IMMP2L: variants seen among roughly 807,000 people sequenced by gnomAD.
IMMP2L encodes the protein inner mitochondrial membrane peptidase subunit 2.
IMMP2L carries 18 observed loss-of-function variants against 19.3 expected under a neutral mutation model. The observed-to-expected ratio is 0.93, with a 90% CI of 0.64 to 1.38. The LOEUF (loss-of-function observed/expected upper bound fraction) is 1.38, where lower values mean the gene tolerates loss of function less well. IMMP2L is among the 40% of genes most tolerant of loss of function. The probability of loss-of-function intolerance (pLI) is 0.00; values close to 1 mark genes in which losing one functional copy is unlikely to be tolerated. For synonymous variants in IMMP2L, 76 were observed against 73.0 expected (o/e 1.04, Z -0.21); for missense variants, 233 against 218.2 (o/e 1.07, Z -0.43).
At chr7:111,126,063 T>C (rs1197627581) in intron 3 of IMMP2L, among the ~76,000 whole-genome samples, 1 of 152,114 alleles carries the variant, frequency 6.6e-6, no homozygotes, top group African/African-American at 2.4e-5. Context: ...CCTCATATGA[T>C]CTGCCCACCT....
rs1047549883 is a variant in IMMP2L, at chr7:111,541,082, A to C, written c.-2-19633T>G. On this transcript the variant is annotated intron_variant, in intron 1 of 5. Coordinates refer to ENST00000405709, the MANE Select transcript of IMMP2L (RefSeq NM_032549.4). ...TCAAGTCTTAGCTATGCCAATGAGT[A>C]AGCAATTTGAATAGATGACCTTAGC... Among the ~76,000 whole-genome samples, 8 of 152,284 alleles carry C rather than the reference A, an allele frequency of 5.3e-5. 1 individual carries two copies. The highest frequency in any genetic ancestry group is 3.4e-3 in the Middle Eastern group (1 of 294).
At chr7:111,270,053 GTGTC>G (rs1158873831) in intron 3 of IMMP2L, among the ~76,000 whole-genome samples, 1 of 139,858 alleles carries the variant, frequency 7.2e-6, no homozygotes. Context: ...GCATGCATGT[GTGTC>G]TGTGTGTGTG....
intron 3 of IMMP2L, among the ~76,000 whole-genome samples, chr7:111,156,025 T>G (rs1026704987): frequency 2.0e-5 from 3 of 152,168 alleles, no homozygotes; most frequent in African/African-American, 7.2e-5. Context: ...ATCCATGTTC[T>G]TTGTGTTGTC....
chr7:111,003,793 T>G (rs1360443854), intron 3 of IMMP2L, among the ~76,000 whole-genome samples: 1 of 152,124 alleles, frequency 6.6e-6, no homozygotes, highest in African/African-American at 2.4e-5. Context: ...ATTACAGACA[T>G]GAGACACTCT....
At position 110,916,163 on chromosome 7, in the gene IMMP2L, T is replaced by G. The variant is rs190306072; in HGVS notation, c.306-29468A>C. ...AAAATCATTGCTTCGTTGTATGATT[T>G]AGTCATGCGAAAGTAACAGGACACT... is the stretch of plus-strand genomic sequence containing the variant. On this transcript the variant is annotated intron_variant, in intron 4 of 5. Transcript: ENST00000405709. Among the ~76,000 whole-genome samples the G allele has an allele frequency of 1.8e-3, 271 of 152,310 alleles. 1 individual carries two copies. The highest frequency in any genetic ancestry group is 6.2e-3 in the African/African-American group (258 of 41,566).
intron 5 of IMMP2L, among the ~76,000 whole-genome samples, chr7:110,828,957 C>T (rs1469186496): frequency 6.6e-6 from 1 of 152,118 alleles, no homozygotes; most frequent in African/African-American, 2.4e-5. Context: ...TCTAAGTCTT[C>T]GTAGCATCTT....
chr7:110,839,434 T>A (rs1394353672), intron 5 of IMMP2L, among the ~76,000 whole-genome samples: 1 of 152,078 alleles, frequency 6.6e-6, no homozygotes. Flanking sequence ...GGTATAGATA[T>A]ATCAGAAATC....
intron 3 of IMMP2L, among the ~76,000 whole-genome samples, chr7:111,373,339 T>C (rs1328062143): frequency 4.6e-5 from 7 of 152,086 alleles, no homozygotes; most frequent in Non-Finnish European, 7.4e-5. Flanking sequence ...CTGGGCAGAA[T>C]TGTTTTGAAA....
At chr7:110,776,898 T>C (rs969013187) in intron 5 of IMMP2L, among the ~76,000 whole-genome samples, 1 of 151,994 alleles carries the variant, frequency 6.6e-6, no homozygotes, top group Non-Finnish European at 1.5e-5. Flanking sequence ...AGAGGGTTGA[T>C]TTTTAAAAAA....
chr7:111,073,812 T>C (rs1304574451), intron 3 of IMMP2L, among the ~76,000 whole-genome samples: 1 of 152,238 alleles, frequency 6.6e-6, no homozygotes, highest in Non-Finnish European at 1.5e-5. Flanking sequence ...AAGATACTAC[T>C]TATTTCTAAT....
intron 3 of IMMP2L, among the ~76,000 whole-genome samples, chr7:111,243,330 T>A (rs1815387945): frequency 6.6e-6 from 1 of 152,054 alleles, no homozygotes; most frequent in African/African-American, 2.4e-5. Flanking sequence ...ATGACATAAC[T>A]GAGGCATGTT....
intron 3 of IMMP2L, among the ~76,000 whole-genome samples, chr7:111,446,665 G>A (rs1305482144): frequency 6.6e-6 from 1 of 152,218 alleles, no homozygotes; most frequent in South Asian, 2.1e-4. Flanking sequence ...CTCCTCCAAA[G>A]GAACGCAGTT....
chr7:110,798,600 T>C (rs1379864499), intron 5 of IMMP2L, among the ~76,000 whole-genome samples: 2 of 152,088 alleles, frequency 1.3e-5, no homozygotes, highest in South Asian at 2.1e-4. Context: ...CAATTTGTAA[T>C]AGAAAATTGA....
chr7:111,339,807 G>A (rs901251954), intron 3 of IMMP2L, among the ~76,000 whole-genome samples: 2 of 151,932 alleles, frequency 1.3e-5, no homozygotes, highest in Non-Finnish European at 2.9e-5. Flanking sequence ...TTAGCCTTCT[G>A]TAATATATCA....
chr7:111,497,814 G>A (rs529530381), intron 2 of IMMP2L, among the ~76,000 whole-genome samples: 2 of 151,850 alleles, frequency 1.3e-5, no homozygotes, highest in Admixed American at 1.3e-4. Flanking sequence ...AGTTGTGGGT[G>A]ATATTAAATA....
intron 3 of IMMP2L, among the ~76,000 whole-genome samples, chr7:111,220,556 C>G (rs149808237): frequency 2.3e-3 from 353 of 151,592 alleles, no homozygotes; most frequent in African/African-American, 7.4e-3. Flanking sequence ...CTGTATTACT[C>G]AGGCTTCTCC....
At chr7:111,271,878 T>TCC (rs1818510436) in intron 3 of IMMP2L, among the ~76,000 whole-genome samples, 1 of 152,094 alleles carries the variant, frequency 6.6e-6, no homozygotes, top group Non-Finnish European at 1.5e-5. Flanking sequence ...CTTAACTACT[T>TCC]TCTCTCTCTG....
chr7:111,393,738 A>G (rs761522917), intron 3 of IMMP2L, among the ~76,000 whole-genome samples: 10 of 152,180 alleles, frequency 6.6e-5, no homozygotes, highest in Non-Finnish European at 8.8e-5. Context: ...TTTGAAATCT[A>G]ATGTATAAAA....
chr7:111,083,298 C>A (rs781446600), intron 3 of IMMP2L, among the ~76,000 whole-genome samples: 5 of 152,112 alleles, frequency 3.3e-5, no homozygotes, highest in Non-Finnish European at 7.4e-5. Flanking sequence ...ATTATCTCAG[C>A]TGATATAATG....
Sources: gnomAD v4.1 joint callset for allele counts (sites outside exome capture counted in the v4.1 genomes callset) on GRCh38, gnomAD v4.1.1 for gene constraint, MANE v1.5 for transcripts, NCBI Gene and HGNC (gene_info 2026-07-23, HGNC 2026-07-21) for gene names.